Variants in SPP2 observed in about 807,000 individuals in gnomAD.
The protein encoded by SPP2 is secreted phosphoprotein 24.
A neutral mutation model predicts 28.8 loss-of-function variants in SPP2; 34 were observed. The observed-to-expected ratio is 1.18, with a 90% CI of 0.90 to 1.57. The LOEUF (loss-of-function observed/expected upper bound fraction) is 1.57, where lower values mean the gene tolerates loss of function less well. Ranked by LOEUF, SPP2 falls within the 40% of genes most tolerant of loss-of-function variation. The pLI is 0.00. For missense variants in SPP2, 269 were observed against 263.9 expected, an observed-to-expected ratio of 1.02 and a Z score of -0.13; for synonymous variants, 96 against 89.4, an observed-to-expected ratio of 1.07 and a Z score of -0.42.
At chr2:234,052,350 C>T (rs972295783) in intron 2 of SPP2, among the ~76,000 whole-genome samples, 9 of 151,958 alleles carry the variant, frequency 5.9e-5, no homozygotes, top group Middle Eastern at 3.2e-3. Context: ...GGTGTGGAAT[C>T]GGGGTCTTTT....
chr2:234,052,948 C>T (rs78342389), intron 2 of SPP2, among the ~76,000 whole-genome samples: 1,745 of 152,264 alleles, frequency 0.011, 18 homozygotes, highest in Middle Eastern at 0.048. Context: ...TATACCAATT[C>T]TCTCTACCCT....
At chr2:234,052,628 T>C (rs1473686004) in intron 2 of SPP2, among the ~76,000 whole-genome samples, 1 of 152,174 alleles carries the variant, frequency 6.6e-6, no homozygotes, top group Non-Finnish European at 1.5e-5. Flanking sequence ...TACAATTATA[T>C]GCGATGTGTG....
At chr2:234,063,057 G>A (rs891208629) in intron 4 of SPP2, among the ~76,000 whole-genome samples, 3 of 151,998 alleles carry the variant, frequency 2.0e-5, no homozygotes, top group Non-Finnish European at 2.9e-5. Context: ...TGAAAGACAA[G>A]AAGAAAGCAG....
chr2:234,067,671 G>A (rs912661987), intron 6 of SPP2, among the ~76,000 whole-genome samples: 5 of 151,044 alleles, frequency 3.3e-5, no homozygotes. Flanking sequence ...CAGCTACTCG[G>A]GAGGCTAAGG....
chr2:234,055,029 G>A (rs1375262938), intron 2 of SPP2, among the ~76,000 whole-genome samples: 1 of 152,098 alleles, frequency 6.6e-6, no homozygotes, highest in Non-Finnish European at 1.5e-5. Flanking sequence ...CCATTAATAA[G>A]GGATTCATTT....
At chr2:234,062,749 A>G (rs1693745169) in intron 4 of SPP2, among the ~76,000 whole-genome samples, 1 of 152,248 alleles carries the variant, frequency 6.6e-6, no homozygotes, top group South Asian at 2.1e-4. Context: ...TTAACACAAA[A>G]TGAATTTAGT....
intron 7 of SPP2, among the ~76,000 whole-genome samples, chr2:234,076,535 T>A (rs1460756935): frequency 6.6e-6 from 1 of 152,174 alleles, no homozygotes; most frequent in Non-Finnish European, 1.5e-5. Context: ...CAGCAAATGC[T>A]CAGTGCATAC....
intron 7 of SPP2, among the ~76,000 whole-genome samples, chr2:234,075,121 G>A (rs1008704237): frequency 1.3e-5 from 2 of 152,166 alleles, no homozygotes; most frequent in African/African-American, 4.8e-5. Context: ...CTGGGAAGGT[G>A]TGGGTAGGTT....
intron 7 of SPP2, among the ~76,000 whole-genome samples, chr2:234,072,910 CAG>C (rs1268255089): frequency 2.6e-5 from 4 of 152,150 alleles, no homozygotes; most frequent in Admixed American, 2.0e-4. Context: ...TATTTTGAGA[CAG>C]AGTGTTGCTG....
intron 7 of SPP2, among the ~76,000 whole-genome samples, chr2:234,071,957 A>G (rs1193077130): frequency 6.6e-6 from 1 of 152,176 alleles, no homozygotes; most frequent in Non-Finnish European, 1.5e-5. Flanking sequence ...GGGCACTGCC[A>G]TTGGTTGTTT....
intron 2 of SPP2, among the ~76,000 whole-genome samples, chr2:234,052,004 C>T (rs1186580809): frequency 2.0e-5 from 3 of 152,202 alleles, no homozygotes; most frequent in Non-Finnish European, 4.4e-5. Flanking sequence ...GTTCTAGTCT[C>T]CAAATACAAC....
chr2:234,057,058 A>C (rs957463881), intron 2 of SPP2, among the ~76,000 whole-genome samples: 14 of 152,056 alleles, frequency 9.2e-5, no homozygotes, highest in African/African-American at 3.1e-4. Flanking sequence ...GTGGGTTCAG[A>C]AACTAAGAGG....
chr2:234,059,425 C>T (rs1693672721), intron 3 of SPP2, among the ~76,000 whole-genome samples: 1 of 152,034 alleles, frequency 6.6e-6, no homozygotes, highest in South Asian at 2.1e-4. Context: ...TCTCTCATGA[C>T]CAGAACATGT....
At chr2:234,070,092 T>A in intron 7 of SPP2, 69 bp downstream of exon 7, 1 of 1,272,432 alleles carries the variant, frequency 7.9e-7, no homozygotes, top group Non-Finnish European at 1.1e-6. Flanking sequence ...GCCTTAAAAC[T>A]GCTGACCTTC....
intron 2 of SPP2, among the ~76,000 whole-genome samples, chr2:234,052,214 G>T (rs1354776269): frequency 2.0e-5 from 3 of 152,114 alleles, no homozygotes; most frequent in African/African-American, 7.2e-5. Context: ...TGGTGTGGAG[G>T]CACTGGTCAG....
intron 2 of SPP2, among the ~76,000 whole-genome samples, chr2:234,051,314 T>C (rs17864800): frequency 0.12 from 18,188 of 152,238 alleles, 2,073 homozygotes; most frequent in African/African-American, 0.29. Context: ...TCTTCTGCTG[T>C]ATTCTCCTCT....
chr2:234,075,000 CAAAA>C (rs3078239), intron 7 of SPP2, among the ~76,000 whole-genome samples: 3,364 of 116,932 alleles, frequency 0.029, 58 homozygotes, highest in Middle Eastern at 0.053. Flanking sequence ...CACAAAAATG[CAAAA>C]AAAAAAAAAA....
intron 4 of SPP2, among the ~76,000 whole-genome samples, chr2:234,061,399 C>T (rs542851102): frequency 5.9e-5 from 9 of 152,020 alleles, no homozygotes; most frequent in Non-Finnish European, 1.3e-4. Context: ...TAAGAAGAGG[C>T]CATCTCTTCA....
At chr2:234,061,121 C>T (rs535287278) in intron 4 of SPP2, among the ~76,000 whole-genome samples, 4 of 152,016 alleles carry the variant, frequency 2.6e-5, no homozygotes, top group East Asian at 1.9e-4. Context: ...ATGGCAGGAC[C>T]CTTATTTTTC....
Sources: allele counts gnomAD v4.1 joint callset (sites outside exome capture counted in the v4.1 genomes callset), GRCh38; gene constraint gnomAD v4.1.1; transcripts MANE v1.5; gene names NCBI Gene and HGNC (gene_info 2026-07-23, HGNC 2026-07-21).